The following RIC3 variants were observed in gnomAD, a reference collection of about 807,000 sequenced individuals.
RIC3 encodes protein RIC-3.
In RIC3, 28 loss-of-function variants were observed where a neutral mutation model predicts 27.3. The ratio of observed to expected loss-of-function variants is 1.02; its 90% CI spans 0.76 to 1.41. The LOEUF is 1.41. Ranked by LOEUF, RIC3 falls within the 40% of genes most tolerant of loss-of-function variation. RIC3 has a pLI of 0.00. For missense variants in RIC3, 501 were observed against 444.7 expected, an observed-to-expected ratio of 1.13 and a Z score of -1.14; for synonymous variants, 184 against 160.4, an observed-to-expected ratio of 1.15 and a Z score of -1.11.
intron 1 of RIC3, among the ~76,000 whole-genome samples, chr11:8,141,513 C>T (rs1238183255): frequency 6.6e-6 from 1 of 151,802 alleles, no homozygotes; most frequent in Non-Finnish European, 1.5e-5. Context: ...TACAGGAGCA[C>T]CCAGATTCAT....
chr11:8,151,315 CG>C (rs1319675987), intron 1 of RIC3, among the ~76,000 whole-genome samples: 2 of 152,064 alleles, frequency 1.3e-5, no homozygotes, highest in East Asian at 1.9e-4. Context: ...AGGCCGGGCG[CG>C]GTGGCTCACG....
chr11:8,093,390 C>CT, the RIC3 span, among the ~76,000 whole-genome samples: 4,107 of 152,170 alleles, frequency 0.027, 72 homozygotes, highest in African/African-American at 0.052. Context: ...TATTTTAGAC[C>CT]TAGGGGAAGG....
rs764963412 is a variant in RIC3, at chr11:8,138,328, G to C, written c.371C>G (p.Thr124Ser). ...ILFKLSKGKT[T>S]AEDGKCYTAM... Reference sequence around the variant, plus strand: ...AGTATAGCATTTCCCATCCTCTGCAGTTGTTTTCCCCTTTGAGAGCTGAGA... The same window carrying C: ...AGTATAGCATTTCCCATCCTCTGCACTTGTTTTCCCCTTTGAGAGCTGAGA... Residue 124 changes from threonine (T) to serine (S), a missense_variant, in exon 3 of 6, where the codon ACT becomes AGT. Coordinates refer to ENST00000309737, the MANE Select transcript of RIC3 (RefSeq NM_001206671.4). 6.2e-7 allele frequency: 1 copy of C among 1,613,362 alleles called. No homozygotes were observed. The highest frequency in any genetic ancestry group is 8.5e-7 in the Non-Finnish European group (1 of 1,179,422).
chr11:8,105,861 G>GAACGC (rs1325381996), downstream of RIC3: 1 of 152,144 alleles, frequency 6.6e-6, no homozygotes, highest in Non-Finnish European at 1.5e-5. Flanking sequence ...GAGTTTCCTA[G>GAACGC]AACGCAACTT....
chr11:8,123,254 G>A (rs148831924), intron 5 of RIC3, among the ~76,000 whole-genome samples: 1 of 151,758 alleles, frequency 6.6e-6, no homozygotes, highest in Admixed American at 6.6e-5. Context: ...ATATGCAACT[G>A]GAGAGCCAGA....
downstream of RIC3, chr11:8,101,760 C>G (rs1271547851): frequency 1.1e-5 from 16 of 1,412,406 alleles, no homozygotes; most frequent in Non-Finnish European, 1.5e-5. Flanking sequence ...CTGGCCCAGC[C>G]AGCCAGGAAC....
At chr11:8,159,554 G>A (rs971661068) in intron 1 of RIC3, among the ~76,000 whole-genome samples, 4 of 152,186 alleles carry the variant, frequency 2.6e-5, no homozygotes, top group African/African-American at 9.7e-5. Flanking sequence ...AAACCAGGGT[G>A]ACAGAGTAAG....
At chr11:8,097,723 C>T in the RIC3 span, 5 of 1,613,602 alleles carry the variant, frequency 3.1e-6, no homozygotes, top group Non-Finnish European at 4.2e-6. Context: ...GGTGTTCCTC[C>T]TGGCGGGAAG....
chr11:8,136,908 A>C (rs932299515), intron 4 of RIC3, among the ~76,000 whole-genome samples: 1 of 152,234 alleles, frequency 6.6e-6, no homozygotes. Context: ...ATGTGAATGA[A>C]AAATGTTAAA....
At chr11:8,095,753 G>A in the RIC3 span, 1 of 1,392,670 alleles carries the variant, frequency 7.2e-7, no homozygotes, top group Non-Finnish European at 9.7e-7. Flanking sequence ...GCCTTCCTGT[G>A]TCCAAACCCC....
chr11:8,158,402 C>T (rs943983381), intron 1 of RIC3, among the ~76,000 whole-genome samples: 4 of 152,026 alleles, frequency 2.6e-5, no homozygotes, highest in Admixed American at 2.6e-4. Flanking sequence ...CAAAGGTTCC[C>T]AGCCAAGTAG....
chr11:8,129,419 T>C (rs1003133160), intron 4 of RIC3, among the ~76,000 whole-genome samples: 1 of 152,114 alleles, frequency 6.6e-6, no homozygotes, highest in African/African-American at 2.4e-5. Context: ...CACAAATTCC[T>C]GTCTCACAAC....
downstream of RIC3, chr11:8,101,465 T>C (rs779475495): frequency 1.2e-5 from 20 of 1,609,400 alleles, no homozygotes; most frequent in East Asian, 4.2e-4. Flanking sequence ...TTTCTCTGTC[T>C]GTGCCTGTGC....
the RIC3 span, chr11:8,098,848 AC>A: frequency 6.2e-7 from 1 of 1,614,036 alleles, no homozygotes; most frequent in Admixed American, 1.7e-5. Context: ...GTGGAACCTT[AC>A]GTCAGGAGCT....
chr11:8,162,434 G>GC (rs899575843), intron 1 of RIC3, among the ~76,000 whole-genome samples: 18 of 152,222 alleles, frequency 1.2e-4, no homozygotes, highest in African/African-American at 3.9e-4. Context: ...CTACACTGCT[G>GC]CCAGGGTGTC....
At chr11:8,101,676 C>T (rs1944314503), downstream of RIC3, 2 of 1,595,566 alleles carry the variant, frequency 1.3e-6, no homozygotes, top group Admixed American at 3.5e-5. Flanking sequence ...GCCTGCCTGC[C>T]TGTGGAGACA....
At chr11:8,155,549 G>A (rs1475630036) in intron 1 of RIC3, among the ~76,000 whole-genome samples, 3 of 152,038 alleles carry the variant, frequency 2.0e-5, no homozygotes, top group South Asian at 2.1e-4. Flanking sequence ...GCACTCCAGC[G>A]TAGGTGACAG....
chr11:8,128,275 A>C (rs1488339066), intron 4 of RIC3: 1 of 457,282 alleles, frequency 2.2e-6, no homozygotes, highest in Non-Finnish European at 4.4e-6. Context: ...TCCAGACTGT[A>C]CGCAGGGCAT....
the RIC3 span, chr11:8,093,903 T>G: frequency 1.1e-6 from 1 of 916,870 alleles, no homozygotes; most frequent in Non-Finnish European, 1.7e-6. Context: ...CCTGATCCTG[T>G]GGGCTGTAGA....
Sources: allele counts gnomAD v4.1 joint callset (sites outside exome capture counted in the v4.1 genomes callset), GRCh38; gene constraint gnomAD v4.1.1; transcripts MANE v1.5; gene names NCBI Gene and HGNC (gene_info 2026-07-23, HGNC 2026-07-21).